C21orf58: variants seen among roughly 807,000 people sequenced by gnomAD.
C21orf58 encodes the protein uncharacterized protein C21orf58.
C21orf58 carries 34 observed loss-of-function variants against 35.8 expected under a neutral mutation model. That is an observed-to-expected ratio of 0.95 (90% CI 0.72 to 1.26). C21orf58 has a LOEUF of 1.26. Among genes scored for constraint, C21orf58 ranks in the 50% most tolerant of loss-of-function variants. The probability of loss-of-function intolerance (pLI) is 0.00; values close to 1 mark genes in which losing one functional copy is unlikely to be tolerated. For missense variants in C21orf58, 440 were observed against 414.3 expected, an observed-to-expected ratio of 1.06 and a Z score of -0.54; for synonymous variants, 191 against 175.8, an observed-to-expected ratio of 1.09 and a Z score of -0.68.
chr21:46,318,374 T>C, intron 1 of C21orf58, 154 bp from the exon 2 acceptor site: 2 of 1,451,910 alleles, frequency 1.4e-6, no homozygotes, highest in Non-Finnish European at 1.8e-6. Context: ...GTCCTCAGGC[T>C]ACCGGTAAAC....
rs1053482742 is a variant in C21orf58, at chr21:46,317,935, G to A, written c.309+77C>T. On this transcript the variant is annotated intron_variant, in intron 2 of 7. Coordinates refer to ENST00000291691, the MANE Select transcript of C21orf58 (RefSeq NM_058180.5). ...TGGGGCCCTGCATTCTGCACCTGCAGGGCTGTCTCGAAGAGTCCCTCCAAC... is the reference window on the plus strand; with the variant it reads ...TGGGGCCCTGCATTCTGCACCTGCAAGGCTGTCTCGAAGAGTCCCTCCAAC... 2.6e-6 allele frequency: 4 copies of A among 1,510,064 alleles called. No homozygotes were observed. The African/African-American group carries it at 5.5e-5, about 21-fold the overall frequency. The allele number at this position is 1,510,064 out of a possible 1,614,324, so 93.5% of individuals were successfully genotyped here.
At chr21:46,313,545 G>A (rs2082834148) in intron 5 of C21orf58, among the ~76,000 whole-genome samples, 1 of 152,196 alleles carries the variant, frequency 6.6e-6, no homozygotes, top group Non-Finnish European at 1.5e-5. Context: ...AAACCTGCAG[G>A]CATAACTGGC....
Position 46,301,195 on chromosome 21 carries a change from G to A in C21orf58, c.*804C>T. On this transcript the variant is annotated 3_prime_UTR_variant, in exon 8 of 8. Coordinates refer to ENST00000291691, the MANE Select transcript of C21orf58 (RefSeq NM_058180.5). The stretch of plus-strand genomic sequence containing the variant: ...CCTGCTCTGTGGTCCAGGCTATAGT[G>A]CAGTGGTTCCATCAGAGCTCACTGC... 1.7e-6 allele frequency: 1 copy of A among 572,674 alleles called. No individual in the cohort carries two copies. The highest frequency in any genetic ancestry group is 2.2e-6 in the Non-Finnish European group (1 of 452,448). 35.5% of individuals were successfully genotyped at this position (572,674 alleles called of 1,614,324 possible).
In C21orf58 at chr21:46,314,737, C is replaced by A. The variant is rs777026400; in HGVS notation, c.588G>T (p.Pro196=). The A allele has an allele frequency of 1.4e-6, 2 of 1,480,444 alleles. No homozygotes were observed. The highest frequency in any genetic ancestry group is 2.3e-5 in the Admixed American group (1 of 43,372). 91.7% of individuals were successfully genotyped at this position (1,480,444 alleles called of 1,614,324 possible). A position where few individuals can be genotyped will look rare whatever the true frequency, so the allele number is the denominator to read the frequency against. Reference sequence around the variant, plus strand: ...TTACCGTAGGCAGGATGATCCTTGGCGGGTCTGGGGCCAGCGGGGATGGGG... The same window carrying A: ...TTACCGTAGGCAGGATGATCCTTGGAGGGTCTGGGGCCAGCGGGGATGGGG... ...TASPSPLAPD[P]PRIILPTVPQ... Residue 196 remains proline (P), a synonymous_variant, in exon 5 of 8, where the codon CCG becomes CCT. Transcript: ENST00000291691.
chr21:46,304,762 C>G (rs2082337018), intron 6 of C21orf58, among the ~76,000 whole-genome samples: 2 of 152,116 alleles, frequency 1.3e-5, no homozygotes, highest in African/African-American at 4.8e-5. Flanking sequence ...CATTAGAGGG[C>G]AAAAAGGACT....
At chr21:46,313,798 T>C (rs2082847211) in intron 5 of C21orf58, among the ~76,000 whole-genome samples, 2 of 152,000 alleles carry the variant, frequency 1.3e-5, no homozygotes. Flanking sequence ...GCTGCCAGGG[T>C]CCCCTCCCAA....
Position 46,318,451 on chromosome 21 carries a change from G to C in C21orf58, c.101-231C>G, listed in dbSNP as rs2083055812. 8.5e-6 allele frequency: 12 copies of C among 1,414,398 alleles called. No individual in the cohort carries two copies. In the South Asian group the frequency reaches 1.8e-4, roughly 21 times the overall value. The allele number at this position is 1,414,398 out of a possible 1,614,324, so 87.6% of individuals were successfully genotyped here. On this transcript the variant is annotated intron_variant, in intron 1 of 7. Transcript: ENST00000291691. ...AAAAAAGTGGGCAGCAGCTGAGGCA[G>C]AGGGGCAGAACCCTCAGACCTGGGG... is the stretch of plus-strand genomic sequence containing the variant.
intron 5 of C21orf58, among the ~76,000 whole-genome samples, chr21:46,312,520 C>A (rs1259180667): frequency 6.6e-6 from 1 of 151,970 alleles, no homozygotes; most frequent in Non-Finnish European, 1.5e-5. Context: ...GGTTTCACCA[C>A]GTTGGCCAGG....
intron 5 of C21orf58, among the ~76,000 whole-genome samples, chr21:46,311,982 T>TCCACCCATCCACCCATCCAC (rs1555929091): frequency 0.076 from 1,987 of 26,298 alleles, 73 homozygotes; most frequent in Middle Eastern, 0.15. Flanking sequence ...CACCCATCCA[T>TCCACCCATCCACCCATCCAC]CCACCCATCC....
intron 3 of C21orf58, 47 bp downstream of exon 3, chr21:46,317,161 C>T (rs768609031): frequency 6.3e-7 from 1 of 1,583,028 alleles, no homozygotes; most frequent in Non-Finnish European, 8.6e-7. Flanking sequence ...GGAGTGGCTA[C>T]ACTTGCGTCT....
At chr21:46,316,246 G>A (rs1033520388) in intron 3 of C21orf58, among the ~76,000 whole-genome samples, 3 of 151,972 alleles carry the variant, frequency 2.0e-5, no homozygotes, top group African/African-American at 4.8e-5. Context: ...ACTTCAGGCC[G>A]GGAGTTTGAG....
chr21:46,318,415 C>T (rs2083054815), intron 1 of C21orf58, 195 bp from the exon 2 acceptor site: 1 of 1,428,556 alleles, frequency 7.0e-7, no homozygotes, highest in African/African-American at 1.4e-5. Context: ...AGCTGGGCTT[C>T]ATGGGAAGGC....
At chr21:46,320,950 G>A (rs2083134807) in intron 1 of C21orf58, 1 of 152,364 alleles carries the variant, frequency 6.6e-6, no homozygotes, top group South Asian at 2.1e-4. Flanking sequence ...ACTGCCAAGT[G>A]AATGGGAAGC....
At chr21:46,303,739 A>ATATATG (rs2082267397) in intron 6 of C21orf58, among the ~76,000 whole-genome samples, 1 of 28,232 alleles carries the variant, frequency 3.5e-5, no homozygotes, top group Non-Finnish European at 6.4e-5. Flanking sequence ...ATATATATAT[A>ATATATG]TATATATTTT....
chr21:46,323,090 T>C lies in C21orf58; in HGVS notation c.-352A>G, dbSNP rs912878483. The stretch of plus-strand genomic sequence containing the variant: ...CTGCGCGAGGTCACCGGCCCTGTCT[T>C]GGTTTTTTGCCACTTCGCTCCAGTT... On this transcript the variant is annotated 5_prime_UTR_variant, in exon 1 of 8. Coordinates refer to ENST00000291691, the MANE Select transcript of C21orf58 (RefSeq NM_058180.5). 7 of 164,906 alleles carry C rather than the reference T, an allele frequency of 4.2e-5. No homozygotes were observed. The highest frequency in any genetic ancestry group is 9.5e-5 in the African/African-American group (4 of 42,018). The allele number at this position is 164,906 out of a possible 1,614,324, so 10.2% of individuals were successfully genotyped here.
At chr21:46,302,250 A>G (rs2082138105) in intron 7 of C21orf58, 96 bp from the exon 8 acceptor site, 1 of 1,432,104 alleles carries the variant, frequency 7.0e-7, no homozygotes, top group African/African-American at 1.4e-5. Context: ...CCCATGTGAT[A>G]GGCAGGATGG....
Position 46,318,049 on chromosome 21 carries a change from T to C in C21orf58, c.272A>G (p.Glu91Gly), listed in dbSNP as rs1569136992. Residue 91 changes from glutamate (E) to glycine (G), a missense_variant, in exon 2 of 8, where the codon GAG becomes GGG. Transcript: ENST00000291691. ...CTTCAGCGTCAGTCGGGTCACTTGC[T>C]CTGCTGCTGATGAGTCCAGCATGGT... is the stretch of plus-strand genomic sequence containing the variant. ...APTMLDSSAA[E>G]QVTRLTLKLL... 6.2e-7 allele frequency: 1 copy of C among 1,613,470 alleles called. No individual in the cohort carries two copies. The highest frequency in any genetic ancestry group is 8.5e-7 in the Non-Finnish European group (1 of 1,180,006).
chr21:46,307,003 C>G (rs921719645), intron 6 of C21orf58, among the ~76,000 whole-genome samples: 13 of 152,144 alleles, frequency 8.5e-5, no homozygotes, highest in African/African-American at 2.7e-4. Context: ...TCAAGCAATT[C>G]TCCTGCCTCA....
chr21:46,320,233 G>T (rs183701062), intron 1 of C21orf58, among the ~76,000 whole-genome samples: 45 of 152,090 alleles, frequency 3.0e-4, no homozygotes, highest in African/African-American at 1.1e-3. Context: ...CTCCCGAGTA[G>T]CTGGGAGTAC....
Sources: gnomAD v4.1 joint callset for allele counts (sites outside exome capture counted in the v4.1 genomes callset) on GRCh38, gnomAD v4.1.1 for gene constraint, MANE v1.5 for transcripts, NCBI Gene and HGNC (gene_info 2026-07-23, HGNC 2026-07-21) for gene names.